Variants in KHDRBS2 observed in about 807,000 individuals in gnomAD.
The protein encoded by KHDRBS2 is KH RNA binding domain containing, signal transduction associated 2, also known as KH domain-containing, RNA-binding, signal transduction-associated protein 2.
A neutral mutation model predicts 44.3 loss-of-function variants in KHDRBS2; 26 were observed. That is an observed-to-expected ratio of 0.59 (90% CI 0.43 to 0.81). The LOEUF (loss-of-function observed/expected upper bound fraction) is 0.81, where lower values mean the gene tolerates loss of function less well. Ranked by LOEUF, KHDRBS2 falls within the 40% of genes least tolerant of loss-of-function variation. The pLI, the probability that KHDRBS2 is intolerant of heterozygous loss-of-function variation, is 0.00. For missense variants in KHDRBS2, 476 were observed against 433.1 expected (o/e 1.10, Z -0.88); for synonymous variants, 194 against 151.1 (o/e 1.28, Z -2.08).
At chr6:62,207,504 A>G (rs1273106317) in intron 1 of KHDRBS2, among the ~76,000 whole-genome samples, 1 of 152,120 alleles carries the variant, frequency 6.6e-6, no homozygotes, top group Non-Finnish European at 1.5e-5. Context: ...ACCTGTACCA[A>G]TTTATCTTAC....
intron 8 of KHDRBS2, among the ~76,000 whole-genome samples, chr6:61,693,400 C>T (rs1767577663): frequency 6.6e-6 from 1 of 152,028 alleles, no homozygotes; most frequent in East Asian, 1.9e-4. Flanking sequence ...ATTCTTTGTC[C>T]TCTTACTTTG....
chr6:62,263,957 T>C (rs749610153), intron 1 of KHDRBS2, among the ~76,000 whole-genome samples: 6 of 151,730 alleles, frequency 4.0e-5, no homozygotes, highest in Non-Finnish European at 5.9e-5. Flanking sequence ...TGTTATCAAA[T>C]AAAAGCTCTA....
At chr6:62,197,794 GCAC>G (rs895292619) in intron 1 of KHDRBS2, among the ~76,000 whole-genome samples, 1 of 152,086 alleles carries the variant, frequency 6.6e-6, no homozygotes, top group African/African-American at 2.4e-5. Context: ...ATTCTTTTCA[GCAC>G]CACACCACAC....
chr6:61,935,284 ATT>A (rs1810823668), intron 4 of KHDRBS2, among the ~76,000 whole-genome samples: 1 of 152,158 alleles, frequency 6.6e-6, no homozygotes, highest in Non-Finnish European at 1.5e-5. Flanking sequence ...TTTAAAGCTC[ATT>A]TATCCTTCTT....
At chr6:61,591,763 C>T in the KHDRBS2 span, among the ~76,000 whole-genome samples, 1 of 152,158 alleles carries the variant, frequency 6.6e-6, no homozygotes, top group East Asian at 1.9e-4. Context: ...TTTACCACAG[C>T]CCTGCTCTTT....
the KHDRBS2 span, among the ~76,000 whole-genome samples, chr6:61,671,792 C>T: frequency 1.3e-5 from 2 of 151,592 alleles, no homozygotes; most frequent in Admixed American, 6.6e-5. Context: ...GACTGCATGG[C>T]TTATACAAGT....
chr6:62,200,014 G>A (rs1431944770), intron 1 of KHDRBS2, among the ~76,000 whole-genome samples: 1 of 152,122 alleles, frequency 6.6e-6, no homozygotes, highest in African/African-American at 2.4e-5. Context: ...AATGGTGCTG[G>A]GAAAACTGGC....
chr6:61,758,285 T>C (rs1199985076), intron 6 of KHDRBS2, among the ~76,000 whole-genome samples: 3 of 152,122 alleles, frequency 2.0e-5, no homozygotes, highest in Non-Finnish European at 4.4e-5. Flanking sequence ...ATATTTTGTA[T>C]GTTTTTTGTT....
the KHDRBS2 span, among the ~76,000 whole-genome samples, chr6:61,590,953 G>A: frequency 2.0e-5 from 3 of 152,162 alleles, no homozygotes; most frequent in Admixed American, 6.5e-5. Context: ...TTTCAAACCA[G>A]AATGAGTACT....
intron 2 of KHDRBS2, among the ~76,000 whole-genome samples, chr6:62,132,948 C>A (rs905642375): frequency 6.6e-6 from 1 of 152,174 alleles, no homozygotes; most frequent in African/African-American, 2.4e-5. Flanking sequence ...TATGACTCAA[C>A]AGCGTTTTTC....
chr6:61,587,277 C>A, the KHDRBS2 span, among the ~76,000 whole-genome samples: 7 of 152,142 alleles, frequency 4.6e-5, no homozygotes, highest in Non-Finnish European at 8.8e-5. Context: ...TGTGTTGTAA[C>A]TGAAATCTCA....
At chr6:62,283,929 G>T (rs1377244765) in intron 1 of KHDRBS2, among the ~76,000 whole-genome samples, 1 of 151,882 alleles carries the variant, frequency 6.6e-6, no homozygotes, top group Non-Finnish European at 1.5e-5. Flanking sequence ...CTGAAATTTG[G>T]GTAACCTCTT....
At chr6:61,931,679 A>T (rs1810077072) in intron 4 of KHDRBS2, among the ~76,000 whole-genome samples, 1 of 152,212 alleles carries the variant, frequency 6.6e-6, no homozygotes, top group Non-Finnish European at 1.5e-5. Flanking sequence ...TGTGTACAAC[A>T]TGATGTTTTG....
At chr6:61,722,715 A>ATT (rs11327085) in intron 7 of KHDRBS2, among the ~76,000 whole-genome samples, 11 of 146,444 alleles carry the variant, frequency 7.5e-5, no homozygotes, top group Non-Finnish European at 1.1e-4. Flanking sequence ...ATATATTTCT[A>ATT]TTTTTTTTTT....
chr6:61,612,915 C>G, the KHDRBS2 span, among the ~76,000 whole-genome samples: 60 of 129,504 alleles, frequency 4.6e-4, no homozygotes, highest in African/African-American at 1.7e-3. Context: ...TGCAGTGGCG[C>G]GATCTCGGCT....
chr6:61,542,875 C>A, the KHDRBS2 span, among the ~76,000 whole-genome samples: 1 of 151,834 alleles, frequency 6.6e-6, no homozygotes, highest in Non-Finnish European at 1.5e-5. Context: ...CTGCTGGAAA[C>A]AGAAAAACAA....
In KHDRBS2 at chr6:62,222,648, C is replaced by T. The variant is rs369534683; in HGVS notation, c.92-45336G>A. Among the ~76,000 whole-genome samples, 37 of 152,210 alleles carry T rather than the reference C, an allele frequency of 2.4e-4. No homozygotes were observed. The South Asian group carries it at 6.8e-3, about 28-fold the overall frequency. ...CATATCATACCTCCCCTGGCCCCTC[C>T]CAAATCTCATGTCCTTGCATTTCAA... On this transcript the variant is annotated intron_variant, in intron 1 of 8. Coordinates refer to ENST00000281156, the MANE Select transcript of KHDRBS2 (RefSeq NM_152688.4).
At chr6:62,077,404 T>C (rs1382703509) in intron 2 of KHDRBS2, among the ~76,000 whole-genome samples, 3 of 152,018 alleles carry the variant, frequency 2.0e-5, no homozygotes, top group Non-Finnish European at 4.4e-5. Context: ...CTGAAAAGTG[T>C]TGCAGTCAAG....
chr6:61,866,168 C>G (rs1330673913), intron 6 of KHDRBS2, among the ~76,000 whole-genome samples: 2 of 152,232 alleles, frequency 1.3e-5, no homozygotes, highest in South Asian at 4.1e-4. Flanking sequence ...CCACATTTCC[C>G]TTCCACACTG....
Sources: gnomAD v4.1 joint callset for allele counts (sites outside exome capture counted in the v4.1 genomes callset) on GRCh38, gnomAD v4.1.1 for gene constraint, MANE v1.5 for transcripts, NCBI Gene and HGNC (gene_info 2026-07-23, HGNC 2026-07-21) for gene names.